NLRP11: variants seen among roughly 807,000 people sequenced by gnomAD.
NLRP11 encodes the protein NLR family pyrin domain containing 11.
NLRP11 carries 53 observed loss-of-function variants against 79.3 expected under a neutral mutation model. The observed-to-expected ratio is 0.67, with a 90% CI of 0.54 to 0.84. The LOEUF (loss-of-function observed/expected upper bound fraction) is 0.84, where lower values mean the gene tolerates loss of function less well. NLRP11 is among the 40% of genes least tolerant of loss of function. The probability of loss-of-function intolerance (pLI) is 0.00; values close to 1 mark genes in which losing one functional copy is unlikely to be tolerated. For synonymous variants in NLRP11, 518 were observed against 462.6 expected (o/e 1.12, Z -1.54); for missense variants, 1,264 against 1,255.0 (o/e 1.01, Z -0.11).
intron 1 of NLRP11, among the ~76,000 whole-genome samples, chr19:55,822,462 C>T (rs1266906171): frequency 1.3e-5 from 2 of 152,168 alleles, no homozygotes; most frequent in African/African-American, 2.4e-5. Context: ...GCGTGAGCAA[C>T]GCAGAAGACG....
exon 10 of NLRP11, chr19:55,785,550 A>G: frequency 2.9e-6 from 4 of 1,365,654 alleles, no homozygotes; most frequent in Non-Finnish European, 2.0e-6. Flanking sequence ...TCAAATAGGA[A>G]AATTATAGTC....
At chr19:55,812,111 C>G (rs1980661004) in intron 2 of NLRP11, among the ~76,000 whole-genome samples, 1 of 150,954 alleles carries the variant, frequency 6.6e-6, no homozygotes, top group Non-Finnish European at 1.5e-5. Flanking sequence ...AACTATTTGT[C>G]AAAAGTAAAA....
rs113274478 is a variant in NLRP11 at position 55,829,747 on chromosome 19, T to C, written c.-63+2216A>G. Reference sequence around the variant, plus strand: ...CAGCGTTTACAGAAGTATGAACTGTTTGAGTCTAAAGGTAACTCCACTTTC... The same window carrying C: ...CAGCGTTTACAGAAGTATGAACTGTCTGAGTCTAAAGGTAACTCCACTTTC... On this transcript the variant is annotated intron_variant, in intron 1 of 9. Transcript: ENST00000589093. Among the ~76,000 whole-genome samples the C allele has an allele frequency of 4.7e-3, 711 of 152,232 alleles. 5 individuals are homozygous for C. Among genetic ancestry groups the C allele is most frequent in the African/African-American group, 0.016 (683 of 41,516 alleles).
chr19:55,797,273 T>C (rs1326801057), intron 5 of NLRP11, among the ~76,000 whole-genome samples: 1 of 152,022 alleles, frequency 6.6e-6, no homozygotes, highest in East Asian at 1.9e-4. Context: ...CACTTCAGCC[T>C]GGACAACTGA....
At chr19:55,808,697 G>A (rs1980250000) in intron 3 of NLRP11, 72 bp downstream of exon 3, 4 of 1,403,560 alleles carry the variant, frequency 2.8e-6, no homozygotes, top group Non-Finnish European at 1.9e-6. Flanking sequence ...GTCTTGTTCT[G>A]GTCAACAAGC....
chr19:55,832,608 G>A (rs887543305), upstream of NLRP11, among the ~76,000 whole-genome samples: 3 of 152,384 alleles, frequency 2.0e-5, no homozygotes, highest in Non-Finnish European at 2.9e-5. Flanking sequence ...CTCTGGGTAT[G>A]ACTGATAGAG....
intron 9 of NLRP11, among the ~76,000 whole-genome samples, chr19:55,786,186 G>T (rs1989869387): frequency 6.6e-6 from 1 of 152,172 alleles, no homozygotes; most frequent in East Asian, 1.9e-4. Context: ...TGGCATTCAA[G>T]ACTTTATAGG....
chr19:55,790,358 G>C (rs1254432076), intron 7 of NLRP11, among the ~76,000 whole-genome samples: 1 of 152,184 alleles, frequency 6.6e-6, no homozygotes, highest in African/African-American at 2.4e-5. Context: ...ATGCATGCAT[G>C]AAACACATGT....
chr19:55,809,010 G>A lies in NLRP11; in HGVS notation c.1600C>T (p.Arg534Cys), dbSNP rs115243845. Reference sequence around the variant, plus strand: ...TGGTGCGTCAACTTTTCCGGGTCACGGTCCAAATGTTTCATGTATCCCACC... The same window carrying A: ...TGGTGCGTCAACTTTTCCGGGTCACAGTCCAAATGTTTCATGTATCCCACC... The change falls in exon 3 of 10, where the codon CGT (arginine) becomes TGT (cysteine). Residue 534 changes from arginine (R) to cysteine (C), a missense_variant. Coordinates refer to ENST00000589093, the Ensembl canonical transcript of NLRP11. The surrounding 1 kb of genome is among the most constrained non-coding windows in gnomAD (Gnocchi z 4.5). 151 of 1,614,030 alleles carry A rather than the reference G, an allele frequency of 9.4e-5. No homozygotes were observed. In the East Asian group the frequency reaches 1.4e-3, roughly 15 times the overall value.
At chr19:55,821,948 C>T (rs932029777) in intron 1 of NLRP11, among the ~76,000 whole-genome samples, 5 of 152,192 alleles carry the variant, frequency 3.3e-5, no homozygotes, top group Admixed American at 2.6e-4. Context: ...TCTTTTCGTG[C>T]TCATATGGTT....
rs558995208 is a variant in NLRP11 at position 55,800,549 on chromosome 19, C to A, written c.2171+1023G>T. 3.3e-5 allele frequency among the ~76,000 whole-genome samples: 5 copies of A among 152,238 alleles called. No individual in the cohort carries two copies. In the East Asian group the frequency reaches 5.8e-4, roughly 18 times the overall value. ...TCTCGAACTCTTGAATTCCTGACCT[C>A]AAGTGATCCACATCCTCTGCCTCCC... is the stretch of plus-strand genomic sequence containing the variant. On this transcript the variant is annotated intron_variant, in intron 5 of 9. Coordinates refer to ENST00000589093, the Ensembl canonical transcript of NLRP11.
At chr19:55,795,297 G>GA (rs1486657194) in intron 6 of NLRP11, among the ~76,000 whole-genome samples, 2 of 152,114 alleles carry the variant, frequency 1.3e-5, no homozygotes, top group East Asian at 1.9e-4. Flanking sequence ...AGACTCAGGG[G>GA]AAAAAATCCT....
chr19:55,803,243 A>C (rs961652756), intron 4 of NLRP11, among the ~76,000 whole-genome samples: 2 of 152,144 alleles, frequency 1.3e-5, no homozygotes, highest in African/African-American at 4.8e-5. Context: ...ACTACTTGGG[A>C]GGCTGAGGCA....
In NLRP11 at chr19:55,803,910, C is replaced by T. The variant is rs150598732; in HGVS notation, c.2004-2171G>A. Among the ~76,000 whole-genome samples the T allele has an allele frequency of 4.2e-3, 632 of 152,160 alleles. 28 individuals are homozygous for T. In the East Asian group the frequency reaches 0.075, roughly 18 times the overall value. ...CAGTCTGGCCAACATGGTGAAACCC[C>T]GTCTCTACCAAAAATACAAAAAATT... is the stretch of plus-strand genomic sequence containing the variant. On this transcript the variant is annotated intron_variant, in intron 4 of 9. Coordinates refer to ENST00000589093, the Ensembl canonical transcript of NLRP11.
intron 9 of NLRP11, 51 bp from the exon 10 acceptor site, chr19:55,785,922 G>T: frequency 6.4e-7 from 1 of 1,566,300 alleles, no homozygotes; most frequent in Non-Finnish European, 8.6e-7. Flanking sequence ...TGAGGTCTCA[G>T]CTTTGTTGCA....
intron 6 of NLRP11, among the ~76,000 whole-genome samples, chr19:55,795,362 A>T (rs149059537): frequency 1.3e-3 from 191 of 152,046 alleles, no homozygotes; most frequent in Non-Finnish European, 2.1e-3. Context: ...TTGTGTTCTC[A>T]GTCACATCTC....
intron 6 of NLRP11, among the ~76,000 whole-genome samples, chr19:55,794,797 A>G (rs1600176042): frequency 6.6e-6 from 1 of 152,158 alleles, no homozygotes; most frequent in Non-Finnish European, 1.5e-5. Context: ...ATAATGCGAT[A>G]TTACATAATA....
intron 3 of NLRP11, among the ~76,000 whole-genome samples, chr19:55,808,281 A>T (rs1980204448): frequency 6.6e-6 from 1 of 152,214 alleles, no homozygotes; most frequent in Non-Finnish European, 1.5e-5. Flanking sequence ...TCAATATTAA[A>T]AATCAATGTT....
intron 5 of NLRP11, among the ~76,000 whole-genome samples, chr19:55,799,344 C>T (rs914726155): frequency 6.6e-6 from 1 of 152,070 alleles, no homozygotes; most frequent in African/African-American, 2.4e-5. Context: ...AAATAAGTAC[C>T]TAAGAGTCTT....
Sources: allele counts gnomAD v4.1 joint callset (sites outside exome capture counted in the v4.1 genomes callset), GRCh38; gene constraint gnomAD v4.1.1; non-coding constraint Gnocchi (gnomAD v3.1); transcripts MANE v1.5; gene names NCBI Gene and HGNC (gene_info 2026-07-23, HGNC 2026-07-21).